EPC2: variants seen among roughly 807,000 people sequenced by gnomAD.
EPC2 encodes the protein enhancer of polycomb 2.
In EPC2, 14 loss-of-function variants were observed where a neutral mutation model predicts 92.1. That is an observed-to-expected ratio of 0.15 (90% CI 0.10 to 0.24). EPC2 has a LOEUF of 0.24. Ranked by LOEUF, EPC2 falls within the 10% of genes least tolerant of loss-of-function variation. The probability of loss-of-function intolerance (pLI) is 1.00; values close to 1 mark genes in which losing one functional copy is unlikely to be tolerated. For missense variants in EPC2, 755 were observed against 971.5 expected (o/e 0.78, Z 2.96); for synonymous variants, 340 against 334.7 (o/e 1.02, Z -0.17).
At chr2:148,704,767 T>C (rs1681959082) in intron 2 of EPC2, among the ~76,000 whole-genome samples, 1 of 152,244 alleles carries the variant, frequency 6.6e-6, no homozygotes, top group African/African-American at 2.4e-5. Flanking sequence ...GGGATATAAC[T>C]TAGCCCAGAG....
chr2:148,693,146 A>T (rs1010205711), intron 2 of EPC2, among the ~76,000 whole-genome samples: 3 of 152,234 alleles, frequency 2.0e-5, no homozygotes, highest in African/African-American at 4.8e-5. Flanking sequence ...AGGTTAAAAA[A>T]AATTTTTTTT....
chr2:148,730,570 C>A (rs538731836), intron 2 of EPC2, among the ~76,000 whole-genome samples: 1 of 152,214 alleles, frequency 6.6e-6, no homozygotes, highest in South Asian at 2.1e-4. Context: ...GATGATCAGG[C>A]CCAGTAACCT....
chr2:148,716,568 C>T (rs1682265492), intron 2 of EPC2, among the ~76,000 whole-genome samples: 1 of 152,120 alleles, frequency 6.6e-6, no homozygotes, highest in Admixed American at 6.6e-5. Flanking sequence ...ATATGTTTAA[C>T]CAGCCTTGCA....
Position 148,771,291 on chromosome 2 carries a change from G to T in EPC2, c.1624G>T (p.Glu542Ter). The change falls in exon 10 of 14, where the codon GAA becomes TAA. Residue 542 changes from glutamate to a stop codon, truncating the protein, a stop_gained. Coordinates refer to ENST00000258484, the MANE Select transcript of EPC2 (RefSeq NM_015630.4). LOFTEE classifies it high-confidence loss of function. Reference sequence around the variant, plus strand: ...AAATTTACAGGACAGTGATAGTGAAGAATGTACCTCAAGAAAACCAGGGCA... The same window carrying T: ...AAATTTACAGGACAGTGATAGTGAATAATGTACCTCAAGAAAACCAGGGCA... ...LLNLQDSDSE[E>*]CTSRKPGQTV... 1 of 1,613,948 alleles carries T rather than the reference G, an allele frequency of 6.2e-7. No homozygotes were observed. Among genetic ancestry groups the T allele is most frequent in the Non-Finnish European group, 8.5e-7 (1 of 1,179,852 alleles).
rs200060585 is a variant in EPC2 at position 148,762,706 on chromosome 2, T to C, written c.852T>C (p.Asn284=). The C allele has an allele frequency of 5.6e-6, 9 of 1,609,076 alleles. No homozygotes were observed. Among genetic ancestry groups the C allele is most frequent in the Non-Finnish European group, 5.1e-6 (6 of 1,177,496 alleles). The change falls in exon 6 of 14, where the codon AAT becomes AAC. Residue 284 remains asparagine (N), a synonymous_variant. Transcript: ENST00000258484. ...HLGDYGGEIL[N]EVKISRSEKE... ...GAGACTATGGTGGTGAAATCCTTAA[T>C]GAAGTAAAAATCAGTAGATCAGAAA...
intron 1 of EPC2, among the ~76,000 whole-genome samples, chr2:148,659,155 T>A (rs1680883220): frequency 6.6e-6 from 1 of 152,154 alleles, no homozygotes; most frequent in African/African-American, 2.4e-5. Flanking sequence ...CATTTAAATC[T>A]TCATCTTATG....
At chr2:148,695,576 C>T (rs1681730198) in intron 2 of EPC2, among the ~76,000 whole-genome samples, 1 of 152,174 alleles carries the variant, frequency 6.6e-6, no homozygotes, top group Non-Finnish European at 1.5e-5. Context: ...GTCTCATTAT[C>T]CTTGGAAATG....
At chr2:148,691,142 T>C (rs1483642341) in intron 2 of EPC2, among the ~76,000 whole-genome samples, 1 of 152,214 alleles carries the variant, frequency 6.6e-6, no homozygotes, top group Admixed American at 6.5e-5. Context: ...TCACCACCTC[T>C]AGCGTGAAGA....
chr2:148,742,532 C>T (rs75295943), intron 2 of EPC2, among the ~76,000 whole-genome samples: 1 of 152,000 alleles, frequency 6.6e-6, no homozygotes, highest in Non-Finnish European at 1.5e-5. Flanking sequence ...GCAGACAGAT[C>T]GCTTGAGCCC....
chr2:148,665,174 T>C (rs1337342945), intron 1 of EPC2, among the ~76,000 whole-genome samples: 5 of 152,228 alleles, frequency 3.3e-5, no homozygotes, highest in African/African-American at 1.2e-4. Context: ...TTCACAACTT[T>C]GGATCTAATT....
chr2:148,652,375 T>G (rs1680704477), intron 1 of EPC2, among the ~76,000 whole-genome samples: 1 of 152,170 alleles, frequency 6.6e-6, no homozygotes, highest in African/African-American at 2.4e-5. Context: ...TTAGAATAAT[T>G]TGTATGTGTT....
Position 148,725,098 on chromosome 2 carries a change from A to G in EPC2, c.314-18524A>G, listed in dbSNP as rs561389550. 3.3e-5 allele frequency among the ~76,000 whole-genome samples: 5 copies of G among 152,246 alleles called. No individual in the cohort carries two copies. The South Asian group carries it at 8.3e-4, about 25-fold the overall frequency. ...CTAATTTTTTGGAATATAGAATTCAATCTTTAAGAATCTTTATGTCTTAGA... is the reference window on the plus strand; with the variant it reads ...CTAATTTTTTGGAATATAGAATTCAGTCTTTAAGAATCTTTATGTCTTAGA... On this transcript the variant is annotated intron_variant, in intron 2 of 13. Transcript: ENST00000258484.
chr2:148,682,478 T>G (rs1402515786), intron 1 of EPC2, among the ~76,000 whole-genome samples: 1 of 152,246 alleles, frequency 6.6e-6, no homozygotes, highest in East Asian at 1.9e-4. Context: ...TGGGGTGCAT[T>G]GAGTGCACAC....
intron 2 of EPC2, among the ~76,000 whole-genome samples, chr2:148,730,376 A>G (rs1047385551): frequency 6.6e-6 from 1 of 152,230 alleles, no homozygotes; most frequent in Non-Finnish European, 1.5e-5. Flanking sequence ...TGAGAACCTT[A>G]AAGGTTTACA....
At chr2:148,657,285 G>A (rs1289345374) in intron 1 of EPC2, among the ~76,000 whole-genome samples, 1 of 152,054 alleles carries the variant, frequency 6.6e-6, no homozygotes, top group Non-Finnish European at 1.5e-5. Context: ...CCAAGTACTT[G>A]GAAGAAGATT....
At chr2:148,713,318 T>C (rs187916473) in intron 2 of EPC2, among the ~76,000 whole-genome samples, 155 of 152,224 alleles carry the variant, frequency 1.0e-3, no homozygotes, top group Middle Eastern at 3.4e-3. Flanking sequence ...CCTAGGCTAA[T>C]GGGTGTGTTT....
chr2:148,706,410 TG>T (rs1229787789), intron 2 of EPC2, among the ~76,000 whole-genome samples: 1 of 152,126 alleles, frequency 6.6e-6, no homozygotes, highest in Non-Finnish European at 1.5e-5. Flanking sequence ...GGAACCAAGC[TG>T]GAAAACACTC....
intron 1 of EPC2, among the ~76,000 whole-genome samples, chr2:148,675,052 G>A (rs1410669707): frequency 6.6e-6 from 1 of 152,054 alleles, no homozygotes; most frequent in East Asian, 1.9e-4. Context: ...TGCACATTCT[G>A]CTTACCACCT....
At chr2:148,728,547 T>C (rs1682542784) in intron 2 of EPC2, among the ~76,000 whole-genome samples, 1 of 151,926 alleles carries the variant, frequency 6.6e-6, no homozygotes, top group African/African-American at 2.4e-5. Context: ...GACTGGTCAA[T>C]ATAGTGAGAC....
Sources: gnomAD v4.1 joint callset for allele counts (sites outside exome capture counted in the v4.1 genomes callset) on GRCh38, gnomAD v4.1.1 for gene constraint, MANE v1.5 for transcripts, NCBI Gene and HGNC (gene_info 2026-07-23, HGNC 2026-07-21) for gene names.